The following LEKR1 variants were observed in gnomAD, a reference collection of about 807,000 sequenced individuals.
LEKR1 encodes the protein protein LEKR1.
Under a neutral mutation model 72.4 loss-of-function variants are expected in LEKR1, and 59 were observed. The ratio of observed to expected loss-of-function variants is 0.82; its 90% CI spans 0.66 to 1.01. The LOEUF (loss-of-function observed/expected upper bound fraction) is 1.01, where lower values mean the gene tolerates loss of function less well. Among genes scored for constraint, LEKR1 ranks in the 50% least tolerant of loss-of-function variants. LEKR1 has a pLI of 0.00. For missense variants in LEKR1, 728 were observed against 759.2 expected (o/e 0.96, Z 0.48); for synonymous variants, 257 against 263.2 (o/e 0.98, Z 0.23).
chr3:156,910,993 G>A (rs1301538886), intron 3 of LEKR1, among the ~76,000 whole-genome samples: 1 of 152,082 alleles, frequency 6.6e-6, no homozygotes, highest in East Asian at 1.9e-4. Context: ...AGCCCGGCCA[G>A]CATGTTATTT....
intron 5 of LEKR1, among the ~76,000 whole-genome samples, 186 bp from the exon 6 acceptor site, chr3:156,942,343 T>C (rs1726286923): frequency 6.6e-6 from 1 of 151,826 alleles, no homozygotes; most frequent in African/African-American, 2.4e-5. Flanking sequence ...GCAATAAAAC[T>C]TTTTTTATCG....
Position 156,973,408 on chromosome 3 carries a change from T to C in LEKR1, c.746-5786T>C, listed in dbSNP as rs74645953. 6.6e-5 allele frequency among the ~76,000 whole-genome samples: 10 copies of C among 152,198 alleles called. No homozygotes were observed. The East Asian group carries it at 1.9e-3, about 29-fold the overall frequency. On this transcript the variant is annotated intron_variant, in intron 6 of 12. Transcript: ENST00000356539. Reference sequence around the variant, plus strand: ...TAGATGCTATTCGAAGCCATGAAACTAGATGAAATTATCTTGGGAGATAAT... The same window carrying C: ...TAGATGCTATTCGAAGCCATGAAACCAGATGAAATTATCTTGGGAGATAAT...
intron 3 of LEKR1, among the ~76,000 whole-genome samples, chr3:156,882,149 A>T (rs1263473240): frequency 6.6e-6 from 1 of 151,436 alleles, no homozygotes; most frequent in African/African-American, 2.4e-5. Flanking sequence ...AAATTGACAA[A>T]TGGGATCTAA....
intron 3 of LEKR1, among the ~76,000 whole-genome samples, chr3:156,864,192 C>A (rs939328369): frequency 6.6e-6 from 1 of 152,050 alleles, no homozygotes; most frequent in South Asian, 2.1e-4. Flanking sequence ...TTCTCTCTTT[C>A]TTTTTCTGTT....
At chr3:156,948,268 C>G (rs931205446) in intron 6 of LEKR1, among the ~76,000 whole-genome samples, 3 of 151,080 alleles carry the variant, frequency 2.0e-5, no homozygotes, top group Non-Finnish European at 4.5e-5. Context: ...AGTTTTGCCT[C>G]TACCATAAAT....
intron 4 of LEKR1, among the ~76,000 whole-genome samples, chr3:156,923,828 C>T (rs376152392): frequency 6.6e-5 from 10 of 151,866 alleles, no homozygotes; most frequent in African/African-American, 1.4e-4. Context: ...CCCAGGTTCA[C>T]GCCATTCTCC....
chr3:157,029,889 G>T (rs1213172672), intron 12 of LEKR1, among the ~76,000 whole-genome samples: 1 of 152,152 alleles, frequency 6.6e-6, no homozygotes, highest in Non-Finnish European at 1.5e-5. Flanking sequence ...AGAAAATGAG[G>T]AGTAACTTAT....
At chr3:156,916,512 T>A (rs928673942) in intron 3 of LEKR1, among the ~76,000 whole-genome samples, 1 of 152,110 alleles carries the variant, frequency 6.6e-6, no homozygotes, top group African/African-American at 2.4e-5. Context: ...GTTTGTTTTG[T>A]GGTCATTATG....
intron 12 of LEKR1, among the ~76,000 whole-genome samples, chr3:157,039,454 A>G (rs1735195735): frequency 6.6e-6 from 1 of 152,096 alleles, no homozygotes; most frequent in South Asian, 2.1e-4. Context: ...CCCTGTTTTT[A>G]CAGAAAATAC....
intron 3 of LEKR1, among the ~76,000 whole-genome samples, chr3:156,912,396 T>C (rs1723198354): frequency 6.6e-6 from 1 of 151,242 alleles, no homozygotes; most frequent in Non-Finnish European, 1.5e-5. Flanking sequence ...GCATAAGGAG[T>C]GGGGGGTAGC....
intron 7 of LEKR1, 70 bp downstream of exon 7, chr3:156,979,345 G>A: frequency 1.4e-6 from 1 of 691,216 alleles, no homozygotes; most frequent in Non-Finnish European, 2.2e-6. Flanking sequence ...CAAGAATTAG[G>A]AAGAAATGAC....
intron 3 of LEKR1, among the ~76,000 whole-genome samples, chr3:156,898,646 C>A (rs966738767): frequency 1.3e-5 from 2 of 152,122 alleles, no homozygotes; most frequent in Non-Finnish European, 2.9e-5. Context: ...ATAATAAAAT[C>A]TCTTAGAAGC....
intron 6 of LEKR1, among the ~76,000 whole-genome samples, chr3:156,948,105 T>G (rs1726837507): frequency 1.3e-5 from 2 of 151,246 alleles, no homozygotes; most frequent in East Asian, 3.9e-4. Flanking sequence ...AATTAAAAAT[T>G]TTGGTAATAT....
intron 3 of LEKR1, among the ~76,000 whole-genome samples, chr3:156,879,857 G>A (rs1441573864): frequency 6.6e-6 from 1 of 152,218 alleles, no homozygotes; most frequent in Non-Finnish European, 1.5e-5. Context: ...TCCACATGGT[G>A]TTGAGTCTGC....
intron 12 of LEKR1, among the ~76,000 whole-genome samples, chr3:157,043,563 A>G (rs1259277055): frequency 6.6e-6 from 1 of 152,124 alleles, no homozygotes; most frequent in Non-Finnish European, 1.5e-5. Context: ...TCTGAAAGTG[A>G]GCAGGGCTAC....
intron 8 of LEKR1, 21 bp from the exon 9 acceptor site, chr3:156,993,053 G>A: frequency 7.0e-7 from 1 of 1,421,730 alleles, no homozygotes; most frequent in Non-Finnish European, 9.7e-7. Flanking sequence ...GTTGGTGGGT[G>A]TTTTTCCTAT....
chr3:157,022,967 C>A (rs916987684), intron 10 of LEKR1, among the ~76,000 whole-genome samples: 2 of 152,166 alleles, frequency 1.3e-5, no homozygotes, highest in Non-Finnish European at 2.9e-5. Flanking sequence ...TAGTCCTATA[C>A]CCAGTACAAT....
At chr3:157,040,378 A>G (rs1735262451) in intron 12 of LEKR1, among the ~76,000 whole-genome samples, 1 of 152,168 alleles carries the variant, frequency 6.6e-6, no homozygotes, top group Non-Finnish European at 1.5e-5. Flanking sequence ...TGTCTATTGC[A>G]GTTGGTTTTA....
chr3:156,829,224 C>T (rs344073), intron 1 of LEKR1, 62 bp from the exon 2 acceptor site: 113,399 of 653,078 alleles, frequency 0.17, 10,508 homozygotes, highest in East Asian at 0.24. Context: ...GTTTATAAAG[C>T]ATCTTAATTT....
Sources: allele counts gnomAD v4.1 joint callset (sites outside exome capture counted in the v4.1 genomes callset), GRCh38; gene constraint gnomAD v4.1.1; transcripts MANE v1.5; gene names NCBI Gene and HGNC (gene_info 2026-07-23, HGNC 2026-07-21).